The following SCMH1 variants were observed in gnomAD, a reference collection of about 807,000 sequenced individuals.
SCMH1 encodes the protein polycomb protein SCMH1.
Under a neutral mutation model 70.8 loss-of-function variants are expected in SCMH1, and 37 were observed. The ratio of observed to expected loss-of-function variants is 0.52; its 90% confidence interval spans 0.40 to 0.69. The LOEUF (loss-of-function observed/expected upper bound fraction) is 0.69. SCMH1 is among the 30% of genes least tolerant of loss of function. SCMH1 has a pLI of 0.00. For synonymous variants in SCMH1, 292 were observed against 307.4 expected (o/e 0.95, Z 0.52); for missense variants, 607 against 827.3 (o/e 0.73, Z 3.27).
intron 6 of SCMH1, 117 bp downstream of exon 6, chr1:41,142,761 C>G (rs1644216777): frequency 3.7e-6 from 3 of 805,596 alleles, no homozygotes; most frequent in Middle Eastern, 3.2e-4. Flanking sequence ...TTTTAGGAGA[C>G]TATATGAAAA....
intron 5 of SCMH1, among the ~76,000 whole-genome samples, chr1:41,144,036 T>C (rs1644337913): frequency 6.6e-6 from 1 of 152,000 alleles, no homozygotes; most frequent in African/African-American, 2.4e-5. Flanking sequence ...TGTAGGGAAA[T>C]ACACTTTCTT....
At chr1:41,047,534 C>G in intron 11 of SCMH1, among the ~76,000 whole-genome samples, 1 of 151,826 alleles carries the variant, frequency 6.6e-6, no homozygotes, top group South Asian at 2.1e-4. Flanking sequence ...GTATCTGGGA[C>G]TACAGGCGTG....
At chr1:41,058,118 C>CAA (rs201623540) in intron 10 of SCMH1, among the ~76,000 whole-genome samples, 27 of 54,812 alleles carry the variant, frequency 4.9e-4, no homozygotes, top group African/African-American at 1.2e-3. Context: ...GAGATTGTCT[C>CAA]AAAAAAAAAA....
At chr1:41,203,502 ATTATG>A (rs1158023729) in intron 1 of SCMH1, among the ~76,000 whole-genome samples, 1 of 152,234 alleles carries the variant, frequency 6.6e-6, no homozygotes, top group Non-Finnish European at 1.5e-5. Flanking sequence ...CATTCCATGT[ATTATG>A]TTGTGTTGGG....
chr1:41,070,582 C>A lies in SCMH1; in HGVS notation c.1105+13G>T. On this transcript the variant is annotated intron_variant, in intron 10 of 14. Coordinates refer to ENST00000337495, the Ensembl canonical transcript of SCMH1. The stretch of plus-strand genomic sequence containing the variant: ...GGGGCTTGTGCGCAGGTAGTCCTGT[C>A]ATCTGCTCTTACCTGTTGGGGCCTG... The A allele has an allele frequency of 6.2e-7, 1 of 1,613,978 alleles. No individual in the cohort carries two copies. Among genetic ancestry groups the A allele is most frequent in the South Asian group, 1.1e-5 (1 of 91,044 alleles).
chr1:41,135,329 A>G (rs189204250), intron 6 of SCMH1, among the ~76,000 whole-genome samples: 2 of 152,298 alleles, frequency 1.3e-5, no homozygotes, highest in East Asian at 3.9e-4. Flanking sequence ...CTTGAATTGT[A>G]GTTCCCATAA....
intron 1 of SCMH1, among the ~76,000 whole-genome samples, chr1:41,241,434 C>T (rs1047644713): frequency 2.6e-5 from 4 of 152,112 alleles, no homozygotes; most frequent in African/African-American, 9.7e-5. Context: ...ACACGTGAGT[C>T]GGCCAGCCGG....
intron 8 of SCMH1, among the ~76,000 whole-genome samples, chr1:41,096,401 GT>G (rs1222160714): frequency 6.6e-6 from 1 of 152,168 alleles, no homozygotes; most frequent in Non-Finnish European, 1.5e-5. Context: ...CTGCATTGTA[GT>G]TTCTTCATTT....
intron 1 of SCMH1, among the ~76,000 whole-genome samples, chr1:41,189,352 T>A (rs1056683344): frequency 6.6e-6 from 1 of 152,186 alleles, no homozygotes; most frequent in Non-Finnish European, 1.5e-5. Flanking sequence ...GGTTTCATCA[T>A]GTTGGCCAGG....
At chr1:41,157,986 G>A (rs1224119410) in intron 4 of SCMH1, among the ~76,000 whole-genome samples, 1 of 152,184 alleles carries the variant, frequency 6.6e-6, no homozygotes, top group Non-Finnish European at 1.5e-5. Context: ...AAGCACACAA[G>A]TAATATTCCT....
At chr1:41,204,958 C>T (rs1573042355) in intron 1 of SCMH1, among the ~76,000 whole-genome samples, 1 of 152,260 alleles carries the variant, frequency 6.6e-6, no homozygotes, top group Non-Finnish European at 1.5e-5. Flanking sequence ...ATAGTGGCTA[C>T]TTACTGAATT....
chr1:41,080,931 AAATAAAATCTAT>A (rs1187026925), intron 8 of SCMH1, among the ~76,000 whole-genome samples: 1 of 152,174 alleles, frequency 6.6e-6, no homozygotes. Context: ...AAAGGAAAAG[AAATAAAATCTAT>A]AAATACAGAC....
chr1:41,153,454 A>T (rs1270884878), intron 4 of SCMH1, among the ~76,000 whole-genome samples: 1 of 152,208 alleles, frequency 6.6e-6, no homozygotes, highest in African/African-American at 2.4e-5. Flanking sequence ...GTTCTGACTA[A>T]AAGCACCAAA....
At chr1:41,204,363 A>G (rs1397165443) in intron 1 of SCMH1, among the ~76,000 whole-genome samples, 1 of 152,202 alleles carries the variant, frequency 6.6e-6, no homozygotes, top group African/African-American at 2.4e-5. Context: ...AAGTTAGATC[A>G]TATCACTCTC....
At chr1:41,215,379 C>T (rs1267577347) in intron 1 of SCMH1, among the ~76,000 whole-genome samples, 1 of 152,186 alleles carries the variant, frequency 6.6e-6, no homozygotes, top group African/African-American at 2.4e-5. Flanking sequence ...GAACCCTTGG[C>T]ACAGTATACA....
At chr1:41,114,972 G>A (rs1309311158) in intron 7 of SCMH1, among the ~76,000 whole-genome samples, 1 of 152,068 alleles carries the variant, frequency 6.6e-6, no homozygotes, top group Non-Finnish European at 1.5e-5. Flanking sequence ...GAGCCACCGT[G>A]CCTGGCCAAG....
intron 10 of SCMH1, among the ~76,000 whole-genome samples, chr1:41,050,625 T>C (rs952750223): frequency 2.0e-5 from 3 of 152,138 alleles, no homozygotes; most frequent in Non-Finnish European, 4.4e-5. Flanking sequence ...AACGAATACA[T>C]TTAACTCTGT....
chr1:41,217,380 A>G (rs1377223329), intron 1 of SCMH1, among the ~76,000 whole-genome samples: 2 of 152,246 alleles, frequency 1.3e-5, no homozygotes, highest in Non-Finnish European at 2.9e-5. Context: ...GTGAGAGGAA[A>G]GAAATAAATT....
rs564500117 is a variant in SCMH1 at position 41,215,533 on chromosome 1, T to C, written c.-118+26526A>G. ...CTCTTTACCTTCTTTCCCTAAGTTA[T>C]TCCAAATGATTTGCAGTCCCTCCTC... On this transcript the variant is annotated intron_variant, in intron 1 of 14. Coordinates refer to ENST00000337495, the Ensembl canonical transcript of SCMH1. Among the ~76,000 whole-genome samples, 7 of 152,238 alleles carry C rather than the reference T, an allele frequency of 4.6e-5. No individual in the cohort carries two copies. In the South Asian group the frequency reaches 1.0e-3, roughly 23 times the overall value.
Sources: gnomAD v4.1 joint callset for allele counts (sites outside exome capture counted in the v4.1 genomes callset) on GRCh38, gnomAD v4.1.1 for gene constraint, MANE v1.5 for transcripts, NCBI Gene and HGNC (gene_info 2026-07-23, HGNC 2026-07-21) for gene names.